The following CACNB4 variants were observed in gnomAD, a reference collection of about 807,000 sequenced individuals.
The protein encoded by CACNB4 is calcium voltage-gated channel auxiliary subunit beta 4.
Under a neutral mutation model 71.2 loss-of-function variants are expected in CACNB4, and 32 were observed. The observed-to-expected ratio is 0.45, with a 90% CI of 0.34 to 0.60. The LOEUF is 0.60. Among genes scored for constraint, CACNB4 ranks in the 20% least tolerant of loss-of-function variants. The pLI, the probability that CACNB4 is intolerant of heterozygous loss-of-function variation, is 0.01. For synonymous variants in CACNB4, 231 were observed against 236.9 expected (o/e 0.97, Z 0.23); for missense variants, 464 against 647.9 (o/e 0.72, Z 3.08).
rs142476602 is a variant in CACNB4 at position 151,917,855 on chromosome 2, A to T, written c.148-34485T>A. The stretch of plus-strand genomic sequence containing the variant: ...GTCTCAAAAAAAAAAAAAAAAAAGA[A>T]CATTTCTGAAATGAACACTGTAGTT... On this transcript the variant is annotated intron_variant, in intron 2 of 13. Transcript: ENST00000539935. Among the ~76,000 whole-genome samples, 1,256 of 140,564 alleles carry T rather than the reference A, an allele frequency of 8.9e-3. 16 individuals are homozygous for T. Among genetic ancestry groups the T allele is most frequent in the African/African-American group, 0.03 (1,167 of 39,048 alleles). 92.2% of individuals were successfully genotyped at this position (140,564 alleles called of 152,430 possible).
chr2:152,044,731 G>A lies in CACNB4; in HGVS notation c.147+53599C>T, dbSNP rs117385141. On this transcript the variant is annotated intron_variant, in intron 2 of 13. Transcript: ENST00000539935. ...TTGGGTCATTTTCTTTGGCTGGAAT[G>A]AGTTTTCCCTCATCTTTGCCATCCT... Among the ~76,000 whole-genome samples, 476 of 152,304 alleles carry A rather than the reference G, an allele frequency of 3.1e-3. 20 individuals are homozygous for A. In the East Asian group the frequency reaches 0.069, roughly 22 times the overall value.
intron 2 of CACNB4, among the ~76,000 whole-genome samples, chr2:151,963,745 A>G (rs1485020767): frequency 1.3e-5 from 2 of 152,172 alleles, no homozygotes; most frequent in Non-Finnish European, 2.9e-5. Flanking sequence ...TTTTGGAGAA[A>G]TGCTCCATGT....
chr2:151,955,464 T>C (rs2151677846), intron 2 of CACNB4, among the ~76,000 whole-genome samples: 1 of 152,302 alleles, frequency 6.6e-6, no homozygotes, highest in South Asian at 2.1e-4. Context: ...AGAAATAAGA[T>C]GCAGACACAT....
At chr2:151,941,709 C>T (rs7607349) in intron 2 of CACNB4, among the ~76,000 whole-genome samples, 15,589 of 152,056 alleles carry the variant, frequency 0.1, 2,602 homozygotes, top group African/African-American at 0.35. Flanking sequence ...AGGTATTTAC[C>T]AAGTGTGCAT....
chr2:152,069,902 G>T (rs1366318718), intron 2 of CACNB4, among the ~76,000 whole-genome samples: 1 of 146,392 alleles, frequency 6.8e-6, no homozygotes, highest in Admixed American at 6.8e-5. Flanking sequence ...GAGGGCAGTG[G>T]CACGATCTCG....
intron 2 of CACNB4, among the ~76,000 whole-genome samples, chr2:151,889,447 C>T (rs948254239): frequency 8.3e-5 from 10 of 120,958 alleles, no homozygotes; most frequent in Non-Finnish European, 1.4e-4. Context: ...GCCTGGGCAA[C>T]AGAGTGAGAC....
chr2:151,876,514 C>T lies in CACNB4; in HGVS notation c.433G>A (p.Gly145Ser), dbSNP rs758656097. 1 of 1,600,504 alleles carries T rather than the reference C, an allele frequency of 6.2e-7. No individual in the cohort carries two copies. Among genetic ancestry groups the T allele is most frequent in the Non-Finnish European group, 8.5e-7 (1 of 1,170,848 alleles). Residue 145 changes from glycine to serine, a missense_variant, in exon 5 of 14, where the codon GGC (glycine) becomes AGC (serine). This residue lies in a region of CACNB4 where 299 missense variants were observed against 471.7 expected (regional missense o/e 0.63). Coordinates refer to ENST00000539935, the MANE Select transcript of CACNB4 (RefSeq NM_000726.5). ...CTTGGAATGAAGCCAATTTCACAGC[C>T]CTCTTTCACCAGCCTTCCTATCCAC... ...DWWIGRLVKEGCEIGFIPSPL... is the reference protein window; with the variant it reads ...DWWIGRLVKESCEIGFIPSPL...
intron 2 of CACNB4, among the ~76,000 whole-genome samples, chr2:152,010,063 A>T (rs1024615126): frequency 1.3e-5 from 2 of 152,220 alleles, no homozygotes; most frequent in African/African-American, 4.8e-5. Context: ...GCTAAGTTTT[A>T]TTGGGAGGCC....
intron 2 of CACNB4, among the ~76,000 whole-genome samples, chr2:152,092,460 T>C (rs1306976880): frequency 6.6e-6 from 1 of 152,348 alleles, no homozygotes; most frequent in East Asian, 1.9e-4. Flanking sequence ...GTGTGGTTCA[T>C]TGAATTATTG....
intron 2 of CACNB4, among the ~76,000 whole-genome samples, chr2:152,043,005 C>T (rs1684958029): frequency 6.6e-6 from 1 of 152,132 alleles, no homozygotes; most frequent in Non-Finnish European, 1.5e-5. Flanking sequence ...GACACACCCA[C>T]CAGCACCACA....
intron 10 of CACNB4, chr2:151,857,131 C>T (rs1559874981): frequency 6.6e-6 from 1 of 152,182 alleles, no homozygotes; most frequent in East Asian, 1.9e-4. Context: ...CATAGCCCAC[C>T]AAAAAATTCT....
intron 2 of CACNB4, among the ~76,000 whole-genome samples, chr2:152,026,204 C>A (rs1381487689): frequency 6.6e-6 from 1 of 152,128 alleles, no homozygotes; most frequent in East Asian, 1.9e-4. Flanking sequence ...CCTTACAGAC[C>A]GGCCCTTCCA....
chr2:151,962,132 G>T (rs1239527565), intron 2 of CACNB4, among the ~76,000 whole-genome samples: 1 of 152,152 alleles, frequency 6.6e-6, no homozygotes, highest in Non-Finnish European at 1.5e-5. Flanking sequence ...TAAGATTAGG[G>T]TATTTATTCT....
chr2:151,847,067 A>G (rs2099837789), intron 12 of CACNB4, among the ~76,000 whole-genome samples: 1 of 146,536 alleles, frequency 6.8e-6, no homozygotes, highest in South Asian at 2.2e-4. Flanking sequence ...TTTCCTTGCT[A>G]TTGTAAAATA....
At chr2:152,078,151 A>C (rs1687145053) in intron 2 of CACNB4, among the ~76,000 whole-genome samples, 1 of 152,182 alleles carries the variant, frequency 6.6e-6, no homozygotes, top group South Asian at 2.1e-4. Context: ...ATCAATCCAA[A>C]GTCCTTCTGC....
At position 152,098,456 on chromosome 2, in the gene CACNB4, C is replaced by T. The variant is rs758063014; in HGVS notation, c.64-43G>A. On this transcript the variant is annotated intron_variant, in intron 1 of 13. Coordinates refer to ENST00000539935, the MANE Select transcript of CACNB4 (RefSeq NM_000726.5). The surrounding 1 kb of genome is among the most constrained non-coding windows in gnomAD (Gnocchi z 5.3). ...GGGCCAGAGAGAAGCCGGTGAGGAC[C>T]GCAGCGCAGAGCGGGGCGACCACCC... The T allele has an allele frequency of 1.9e-6, 3 of 1,557,108 alleles. No homozygotes were observed. The highest frequency in any genetic ancestry group is 1.4e-5 in the African/African-American group (1 of 73,840).
At chr2:151,961,491 G>T (rs1218026131) in intron 2 of CACNB4, among the ~76,000 whole-genome samples, 2 of 152,208 alleles carry the variant, frequency 1.3e-5, no homozygotes, top group Non-Finnish European at 2.9e-5. Context: ...GAGACTGATT[G>T]CAGTGAAACT....
intron 2 of CACNB4, among the ~76,000 whole-genome samples, chr2:152,082,210 C>T (rs1687394690): frequency 2.0e-5 from 3 of 152,198 alleles, no homozygotes; most frequent in African/African-American, 7.2e-5. Flanking sequence ...CATGCATATA[C>T]TTGAAAGAGT....
intron 2 of CACNB4, among the ~76,000 whole-genome samples, chr2:151,994,626 C>T (rs1681937429): frequency 6.6e-6 from 1 of 152,190 alleles, no homozygotes; most frequent in African/African-American, 2.4e-5. Flanking sequence ...ATTCTCGTGC[C>T]TCAGCTTCCC....
Sources: gnomAD v4.1 joint callset for allele counts (sites outside exome capture counted in the v4.1 genomes callset) on GRCh38, gnomAD v4.1.1 for gene constraint, gnomAD v4.1.1 regional missense constraint, Gnocchi (gnomAD v3.1) non-coding constraint, MANE v1.5 for transcripts, NCBI Gene and HGNC (gene_info 2026-07-23, HGNC 2026-07-21) for gene names.